Variants in CTR9 observed in about 807,000 individuals in gnomAD.
CTR9 encodes the protein RNA polymerase-associated protein CTR9 homolog.
A neutral mutation model predicts 152.1 loss-of-function variants in CTR9; 41 were observed. The ratio of observed to expected loss-of-function variants is 0.27; its 90% CI spans 0.21 to 0.35. The LOEUF is 0.35. CTR9 is among the 10% of genes least tolerant of loss of function. The pLI is 1.00. For missense variants in CTR9, 917 were observed against 1,424.4 expected (o/e 0.64, Z 5.73); for synonymous variants, 476 against 496.2 (o/e 0.96, Z 0.54).
Position 10,767,128 on chromosome 11 carries a change from C to A in CTR9, c.1686+638C>A, listed in dbSNP as rs1041022106. The A allele has an allele frequency of 2.0e-5, 3 of 152,726 alleles. No homozygotes were observed. The highest frequency in any genetic ancestry group is 4.4e-5 in the Non-Finnish European group (3 of 68,138). 9.5% of individuals were successfully genotyped at this position (152,726 alleles called of 1,614,324 possible). A position where few individuals can be genotyped will look rare whatever the true frequency, so the allele number is the denominator to read the frequency against. ...ATGGGTATCAACTCAGTTTGAAAAC[C>A]ACTCATGTGGGGGTCTACAACAAGA... On this transcript the variant is annotated intron_variant, in intron 13 of 24. Coordinates refer to ENST00000361367, the MANE Select transcript of CTR9 (RefSeq NM_014633.5). The surrounding 1 kb of genome is among the most constrained non-coding windows in gnomAD (Gnocchi z 4.0).
chr11:10,765,873 CAGT>C (rs1455247004), intron 12 of CTR9, among the ~76,000 whole-genome samples: 2 of 152,076 alleles, frequency 1.3e-5, no homozygotes. Context: ...ATTTGATAGG[CAGT>C]AGTGAACCAT....
At position 10,751,457 on chromosome 11, in the gene CTR9, GGTAA is replaced by G; in HGVS notation, c.45+3_45+6del. On this transcript the variant is annotated splice_donor_variant and splice_donor_region_variant and intron_variant, in intron 1 of 24. Transcript: ENST00000361367. LOFTEE classifies it high-confidence loss of function. ...AGATTCCCCTCCGGGACACTGACGA[GGTAA>G]GTGTCGTGTATGGAGGCGGGTGGGG... 6.2e-7 allele frequency: 1 copy of G among 1,613,782 alleles called. No homozygotes were observed. Among genetic ancestry groups the G allele is most frequent in the Non-Finnish European group, 8.5e-7 (1 of 1,179,906 alleles).
chr11:10,766,642 G>T, intron 13 of CTR9, 152 bp downstream of exon 13: 1 of 574,768 alleles, frequency 1.7e-6, no homozygotes. Flanking sequence ...AATGTACTAG[G>T]TTGCATTATT....
rs530409686 is a variant in CTR9 at position 10,779,095 on chromosome 11, A to G, written c.3512A>G (p.Asp1171Gly). 3.0e-5 allele frequency: 49 copies of G among 1,606,732 alleles called. No individual in the cohort carries two copies. In the African/African-American group the frequency reaches 6.3e-4, roughly 21 times the overall value. ...SDRGSEHGSD[D>G]SD ...AGAGGCTCAGAACATGGGTCAGATGATAGTGACTAGGTTTTATTTCATCAA... is the reference window on the plus strand; with the variant it reads ...AGAGGCTCAGAACATGGGTCAGATGGTAGTGACTAGGTTTTATTTCATCAA... The change falls in exon 25 of 25, where the codon GAT (aspartate) becomes GGT (glycine). Residue 1171 changes from aspartate (D) to glycine (G), a missense_variant. By Grantham distance (94) the Asp-to-Gly change is moderately conservative. Around this residue, in one of 9 missense-constraint regions of CTR9, gnomAD observed 384 missense variants for 398.4 expected, o/e 0.96. Coordinates refer to ENST00000361367, the MANE Select transcript of CTR9 (RefSeq NM_014633.5).
At chr11:10,777,174 G>C (rs995760125) in intron 24 of CTR9, among the ~76,000 whole-genome samples, 4 of 152,038 alleles carry the variant, frequency 2.6e-5, no homozygotes, top group African/African-American at 9.7e-5. Context: ...AGGTTAGCAT[G>C]TTGAGGAGGC....
intron 6 of CTR9, among the ~76,000 whole-genome samples, chr11:10,761,335 A>G (rs1862973786): frequency 6.6e-6 from 1 of 151,080 alleles, no homozygotes; most frequent in African/African-American, 2.4e-5. Flanking sequence ...AACTCAAAAG[A>G]TTTTCACAGG....
chr11:10,763,939 C>G, intron 9 of CTR9, 60 bp downstream of exon 9: 1 of 1,399,522 alleles, frequency 7.1e-7, no homozygotes, highest in Non-Finnish European at 9.9e-7. Flanking sequence ...ACTCCCATTT[C>G]TCATTTCCTG....
Position 10,764,385 on chromosome 11 carries a change from C to T in CTR9, c.1362C>T (p.Leu454=). The T allele has an allele frequency of 6.2e-7, 1 of 1,614,056 alleles. No homozygotes were observed. The highest frequency in any genetic ancestry group is 8.5e-7 in the Non-Finnish European group (1 of 1,179,974). ...KVQADVPPEI[L]NNVGALHFRL... is the part of the protein sequence containing the mutation. ...AGGCCGATGTTCCTCCAGAGATTCT[C>T]AATAATGTGGGTGCCCTCCATTTTA... Residue 454 remains leucine (L), a synonymous_variant, in exon 11 of 25, where the codon CTC becomes CTT. Coordinates refer to ENST00000361367, the MANE Select transcript of CTR9 (RefSeq NM_014633.5).
At chr11:10,764,248 A>G in intron 10 of CTR9, 47 bp downstream of exon 10, 1 of 1,613,536 alleles carries the variant, frequency 6.2e-7, no homozygotes, top group Non-Finnish European at 8.5e-7. Flanking sequence ...TGTTTTTTGT[A>G]AGCCTGGTGT....
At chr11:10,751,514 C>G in intron 1 of CTR9, 57 bp downstream of exon 1, 1 of 1,498,298 alleles carries the variant, frequency 6.7e-7, no homozygotes, top group Non-Finnish European at 9.2e-7. Flanking sequence ...TCGCCCCCAC[C>G]GACTTCGCTC....
At position 10,760,861 on chromosome 11, in the gene CTR9, T is replaced by C. The variant is rs531300891; in HGVS notation, c.741+540T>C. Among the ~76,000 whole-genome samples the C allele has an allele frequency of 7.0e-4, 106 of 152,324 alleles. 1 individual carries two copies. The highest frequency in any genetic ancestry group is 2.3e-3 in the African/African-American group (96 of 41,576). On this transcript the variant is annotated intron_variant, in intron 6 of 24. Transcript: ENST00000361367. Reference sequence around the variant, plus strand: ...CTTAATGTGCAGCCTTTCTTCATCATGTCTGTCACCTTATAGTCACAAGAT... The same window carrying C: ...CTTAATGTGCAGCCTTTCTTCATCACGTCTGTCACCTTATAGTCACAAGAT...
chr11:10,774,896 G>C (rs578124125), intron 22 of CTR9, among the ~76,000 whole-genome samples: 1 of 151,750 alleles, frequency 6.6e-6, no homozygotes, highest in East Asian at 1.9e-4. Context: ...AGGGAAAGAC[G>C]TTGAAGTCTG....
intron 4 of CTR9, 104 bp from the exon 5 acceptor site, chr11:10,756,645 A>G (rs567439315): frequency 5.0e-5 from 36 of 715,120 alleles, no homozygotes; most frequent in Non-Finnish European, 7.6e-5. Context: ...GTTTTCAAGT[A>G]TTTCTCACTC....
At chr11:10,772,739 G>A in intron 20 of CTR9, 84 bp downstream of exon 20, 1 of 1,357,904 alleles carries the variant, frequency 7.4e-7, no homozygotes, top group Non-Finnish European at 9.8e-7. Context: ...AAAGTCCTCT[G>A]CCAGGCGTGG....
At chr11:10,771,968 A>G (rs1183839163) in intron 19 of CTR9, among the ~76,000 whole-genome samples, 1 of 152,186 alleles carries the variant, frequency 6.6e-6, no homozygotes, top group Non-Finnish European at 1.5e-5. Context: ...GAAACTTAAC[A>G]TAGTTGGCAG....
intron 17 of CTR9, 79 bp from the exon 18 acceptor site, chr11:10,770,408 T>C: frequency 1.9e-6 from 3 of 1,571,698 alleles, no homozygotes; most frequent in Non-Finnish European, 1.7e-6. Context: ...TTCACATACC[T>C]ACTACTTAAT....
intron 21 of CTR9, 60 bp downstream of exon 21, chr11:10,773,333 A>G (rs1863174681): frequency 6.3e-7 from 1 of 1,579,068 alleles, no homozygotes; most frequent in South Asian, 1.2e-5. Flanking sequence ...GCTTTGAGAA[A>G]TGAGGATAAT....
At chr11:10,754,616 T>TTTTTGTCAAAAACCA (rs1197512831) in intron 2 of CTR9, among the ~76,000 whole-genome samples, 1 of 152,078 alleles carries the variant, frequency 6.6e-6, no homozygotes, top group African/African-American at 2.4e-5. Context: ...CAACCACTGG[T>TTTTTGTCAAAAACCA]CTGCTTTTTG....
At chr11:10,770,376 T>C in intron 17 of CTR9, 50 bp downstream of exon 17, 1 of 1,589,338 alleles carries the variant, frequency 6.3e-7, no homozygotes, top group South Asian at 1.1e-5. Context: ...ACATTGTATT[T>C]TTTAATTCTT....
Sources: gnomAD v4.1 joint callset for allele counts (sites outside exome capture counted in the v4.1 genomes callset) on GRCh38, gnomAD v4.1.1 for gene constraint, gnomAD v4.1.1 regional missense constraint, Gnocchi (gnomAD v3.1) non-coding constraint, MANE v1.5 for transcripts, NCBI Gene and HGNC (gene_info 2026-07-23, HGNC 2026-07-21) for gene names.